The following UNC13B variants were observed in gnomAD, a reference collection of about 807,000 sequenced individuals.
UNC13B encodes the protein unc-13 homolog B.
UNC13B carries 144 observed loss-of-function variants against 211.0 expected under a neutral mutation model. That is an observed-to-expected ratio of 0.68 (90% CI 0.60 to 0.78). UNC13B has a LOEUF of 0.78. Among genes scored for constraint, UNC13B ranks in the 30% least tolerant of loss-of-function variants. The pLI, the probability that UNC13B is intolerant of heterozygous loss-of-function variation, is 0.00. For synonymous variants in UNC13B, 709 were observed against 725.8 expected (o/e 0.98, Z 0.37); for missense variants, 1,777 against 2,002.0 (o/e 0.89, Z 2.14).
At chr9:35,352,409 G>A (rs533556170) in intron 11 of UNC13B, 6 of 1,232,174 alleles carry the variant, frequency 4.9e-6, no homozygotes, top group Non-Finnish European at 6.1e-6. Context: ...CTTGCAGAAT[G>A]TGGGAGTCCG....
Position 35,403,328 on chromosome 9 carries a change from G to A in UNC13B, c.12577+69G>A, listed in dbSNP as rs927492075. 1.1e-5 allele frequency: 17 copies of A among 1,603,414 alleles called. No individual in the cohort carries two copies. In the South Asian group the frequency reaches 1.1e-4, roughly 10 times the overall value. The stretch of plus-strand genomic sequence containing the variant: ...CCTCACTCATCACTCAAAAGCAGGG[G>A]CTGCTCATCCCAGCCCTCCAGCTCA... On this transcript the variant is annotated intron_variant, in intron 38 of 39. Transcript: ENST00000635942.
intron 11 of UNC13B, chr9:35,364,614 C>T (rs990803836): frequency 4.6e-6 from 7 of 1,527,560 alleles, no homozygotes; most frequent in South Asian, 2.4e-5. Flanking sequence ...CTATTTCCCT[C>T]CCCTCCTTCC....
chr9:35,402,024 G>A, intron 37 of UNC13B: 2 of 1,549,630 alleles, frequency 1.3e-6, no homozygotes, highest in Non-Finnish European at 1.7e-6. Context: ...TGTACACCGT[G>A]CAGATATGGA....
chr9:35,213,233 G>A (rs1270418549), intron 1 of UNC13B, among the ~76,000 whole-genome samples: 1 of 152,130 alleles, frequency 6.6e-6, no homozygotes, highest in Non-Finnish European at 1.5e-5. Context: ...GAGGTCATTT[G>A]GTTTAGATAA....
At chr9:35,351,565 G>T (rs1832721717) in intron 11 of UNC13B, 3 of 1,232,306 alleles carry the variant, frequency 2.4e-6, no homozygotes, top group Non-Finnish European at 3.0e-6. Context: ...AAGAAATCAT[G>T]GTTACCTTGG....
Position 35,236,567 on chromosome 9 carries a change from C to T in UNC13B, c.251C>T (p.Thr84Ile). Residue 84 changes from threonine to isoleucine, a missense_variant, in exon 4 of 40, where the codon ACT becomes ATT. By Grantham distance (89) the Thr-to-Ile change is moderately conservative (BLOSUM62 -1). Transcript: ENST00000635942. ...MVGTVWIALK[T>I]IRQSDEEGPG... The stretch of plus-strand genomic sequence containing the variant: ...GGGACTGTGTGGATTGCGCTGAAGA[C>T]TATTCGTCAGTCGGATGAGGTCAGT... 1 of 1,614,022 alleles carries T rather than the reference C, an allele frequency of 6.2e-7. No homozygotes were observed. The highest frequency in any genetic ancestry group is 1.7e-4 in the Middle Eastern group (1 of 6,058).
At chr9:35,341,407 T>C (rs1831984518) in intron 11 of UNC13B, among the ~76,000 whole-genome samples, 1 of 152,206 alleles carries the variant, frequency 6.6e-6, no homozygotes. Context: ...CTTTGCCAAA[T>C]GCTGACAACA....
In UNC13B at chr9:35,162,321, G is replaced by A. The variant is rs71521258; in HGVS notation, c.22+16G>A. On this transcript the variant is annotated intron_variant, in intron 1 of 39. Transcript: ENST00000635942. The stretch of plus-strand genomic sequence containing the variant: ...TGCGTGCGCGGTGAGTGCGCGGACT[G>A]AGGCGGGGAGGCGGGGTGTCGGCGT... 1 of 1,533,688 alleles carries A rather than the reference G, an allele frequency of 6.5e-7. No homozygotes were observed. Among genetic ancestry groups the A allele is most frequent in the Non-Finnish European group, 8.7e-7 (1 of 1,143,728 alleles).
At chr9:35,217,671 G>A (rs1308250018) in intron 1 of UNC13B, among the ~76,000 whole-genome samples, 2 of 152,126 alleles carry the variant, frequency 1.3e-5, no homozygotes, top group Admixed American at 6.5e-5. Context: ...TTACAGGCGT[G>A]AGCCACTGTG....
chr9:35,351,565 G>A (rs1832721717), intron 11 of UNC13B: 1 of 1,232,188 alleles, frequency 8.1e-7, no homozygotes, highest in Non-Finnish European at 1.0e-6. Flanking sequence ...AAGAAATCAT[G>A]GTTACCTTGG....
chr9:35,326,510 T>C (rs1286666782), intron 11 of UNC13B, among the ~76,000 whole-genome samples: 1 of 152,162 alleles, frequency 6.6e-6, no homozygotes, highest in African/African-American at 2.4e-5. Flanking sequence ...CTCAGCTTCC[T>C]GAGTAGCTTG....
At chr9:35,379,010 T>C (rs1349151877) in intron 17 of UNC13B, among the ~76,000 whole-genome samples, 1 of 152,182 alleles carries the variant, frequency 6.6e-6, no homozygotes, top group Admixed American at 6.5e-5. Context: ...TAAAGGATGG[T>C]TATTGAAAAA....
Position 35,390,695 on chromosome 9 carries a change from C to T in UNC13B, c.11289C>T (p.Asp3763=), listed in dbSNP as rs1377832130. 1 of 1,614,092 alleles carries T rather than the reference C, an allele frequency of 6.2e-7. No homozygotes were observed. The highest frequency in any genetic ancestry group is 1.7e-5 in the Admixed American group (1 of 59,994). ...AEVMWHLFAQ[D]MKYALEEHEK... is the part of the protein sequence containing the mutation. ...TGATGTGGCATTTGTTTGCCCAAGA[C>T]ATGAAATATGCATTGGAGGGTAAGG... The change falls in exon 26 of 40, where the codon GAC becomes GAT. Residue 3763 remains aspartate, a synonymous_variant. Coordinates refer to ENST00000635942, the MANE Select transcript of UNC13B (RefSeq NM_001371189.2).
intron 1 of UNC13B, among the ~76,000 whole-genome samples, chr9:35,192,503 A>G (rs1014678868): frequency 6.6e-6 from 1 of 152,208 alleles, no homozygotes; most frequent in Non-Finnish European, 1.5e-5. Context: ...GAAAGCTTCT[A>G]TATACCTATC....
At chr9:35,263,782 C>T (rs1827411931) in intron 7 of UNC13B, among the ~76,000 whole-genome samples, 1 of 152,042 alleles carries the variant, frequency 6.6e-6, no homozygotes, top group Non-Finnish European at 1.5e-5. Context: ...GGCTGGTGCC[C>T]TCATAAGAAG....
chr9:35,259,805 G>GGGGGGT, intron 7 of UNC13B, among the ~76,000 whole-genome samples: 1 of 120,000 alleles, frequency 8.3e-6, no homozygotes, highest in South Asian at 2.8e-4. Flanking sequence ...GCGGGGGGGG[G>GGGGGGT]GGATTTTGAT....
intron 6 of UNC13B, among the ~76,000 whole-genome samples, chr9:35,254,921 TATATA>T (rs1293919497): frequency 3.7e-5 from 3 of 80,224 alleles, no homozygotes; most frequent in Admixed American, 1.6e-4. Context: ...ATAATATACA[TATATA>T]ATATAATATA....
At chr9:35,402,800 C>T (rs1351647221) in intron 37 of UNC13B, among the ~76,000 whole-genome samples, 39 of 152,210 alleles carry the variant, frequency 2.6e-4, no homozygotes, top group Admixed American at 2.2e-3. Context: ...CACATTTTTC[C>T]ATTAAGAGAC....
chr9:35,237,489 A>T (rs1825577708), intron 4 of UNC13B, among the ~76,000 whole-genome samples: 1 of 152,178 alleles, frequency 6.6e-6, no homozygotes, highest in African/African-American at 2.4e-5. Flanking sequence ...AGACCTGCAG[A>T]GCTGAGCACA....
Sources: allele counts gnomAD v4.1 joint callset (sites outside exome capture counted in the v4.1 genomes callset), GRCh38; gene constraint gnomAD v4.1.1; transcripts MANE v1.5; gene names NCBI Gene and HGNC (gene_info 2026-07-23, HGNC 2026-07-21).